TXNDC16: variants seen among roughly 807,000 people sequenced by gnomAD.
The protein encoded by TXNDC16 is thioredoxin domain-containing protein 16.
In TXNDC16, 74 loss-of-function variants were observed where a neutral mutation model predicts 85.6. That is an observed-to-expected ratio of 0.86 (90% CI 0.72 to 1.05). The LOEUF is 1.05. TXNDC16 is among the 50% of genes least tolerant of loss of function. The pLI is 0.00. For missense variants in TXNDC16, 959 were observed against 947.0 expected (o/e 1.01, Z -0.17); for synonymous variants, 335 against 326.5 (o/e 1.03, Z -0.28).
intron 20 of TXNDC16, among the ~76,000 whole-genome samples, chr14:52,438,483 A>G (rs1273994631): frequency 6.6e-6 from 1 of 152,222 alleles, no homozygotes; most frequent in Non-Finnish European, 1.5e-5. Flanking sequence ...GAAAGCTCAG[A>G]TAATTGTTGG....
At chr14:52,450,856 TATA>T (rs2035392328) in intron 18 of TXNDC16, among the ~76,000 whole-genome samples, 3 of 1,026 alleles carry the variant, frequency 2.9e-3, no homozygotes, top group Non-Finnish European at 5.4e-3. Flanking sequence ...ATGTGTTTTA[TATA>T]TATATATATA....
In TXNDC16 at chr14:52,440,707, T is replaced by C; in HGVS notation, c.1860A>G (p.Glu620=). 1 of 1,606,406 alleles carries C rather than the reference T, an allele frequency of 6.2e-7. No homozygotes were observed. The highest frequency in any genetic ancestry group is 8.5e-7 in the Non-Finnish European group (1 of 1,178,010). ...GAAGTCTGAAATAACTGGGAAGATT[T>C]TCCACAGTGATTTCCGGCTGTCAAA... ...LLEMFPEITV[E]NLPSYFRLQK... Residue 620 remains glutamate (E), a synonymous_variant, in exon 19 of 21, where the codon GAA becomes GAG. Transcript: ENST00000281741.
At chr14:52,534,870 T>A (rs2037663862) in intron 6 of TXNDC16, among the ~76,000 whole-genome samples, 1 of 152,214 alleles carries the variant, frequency 6.6e-6, no homozygotes, top group African/African-American at 2.4e-5. Flanking sequence ...AATCTATTTG[T>A]GGAATTCGTG....
At chr14:52,459,907 C>T (rs1288823580) in intron 16 of TXNDC16, among the ~76,000 whole-genome samples, 8 of 152,126 alleles carry the variant, frequency 5.3e-5, no homozygotes, top group Non-Finnish European at 1.2e-4. Flanking sequence ...TGAAGAAACA[C>T]ACCTCAATAA....
chr14:52,496,122 T>G (rs1351176736), intron 9 of TXNDC16, among the ~76,000 whole-genome samples: 1 of 150,482 alleles, frequency 6.6e-6, no homozygotes, highest in East Asian at 2.0e-4. Flanking sequence ...ATCGCTCCGC[T>G]GCACTCCAGC....
chr14:52,545,000 A>G (rs2037912580), intron 1 of TXNDC16, among the ~76,000 whole-genome samples: 1 of 152,118 alleles, frequency 6.6e-6, no homozygotes, highest in African/African-American at 2.4e-5. Flanking sequence ...TAGGTCATCC[A>G]CTATTTTCTT....
At chr14:52,472,463 T>TG (rs756727190) in intron 14 of TXNDC16, among the ~76,000 whole-genome samples, 2 of 152,222 alleles carry the variant, frequency 1.3e-5, no homozygotes, top group Non-Finnish European at 2.9e-5. Flanking sequence ...TCCAAAGTGC[T>TG]GGGATCACAG....
intron 18 of TXNDC16, among the ~76,000 whole-genome samples, chr14:52,449,524 C>G (rs1467433765): frequency 6.6e-6 from 1 of 152,148 alleles, no homozygotes; most frequent in Admixed American, 6.5e-5. Flanking sequence ...AACCCACTTT[C>G]AGCAATGGAC....
intron 6 of TXNDC16, among the ~76,000 whole-genome samples, chr14:52,525,973 A>T (rs1178442291): frequency 1.3e-5 from 2 of 151,938 alleles, no homozygotes; most frequent in Admixed American, 1.3e-4. Context: ...CTATGTAGTT[A>T]TATTATATTT....
intron 16 of TXNDC16, among the ~76,000 whole-genome samples, chr14:52,465,253 A>G (rs1199635224): frequency 6.6e-6 from 1 of 152,178 alleles, no homozygotes; most frequent in Non-Finnish European, 1.5e-5. Context: ...AAAGAAAAAC[A>G]AGGAGGAGGG....
At chr14:52,526,693 G>C (rs1470522102) in intron 6 of TXNDC16, among the ~76,000 whole-genome samples, 4 of 152,186 alleles carry the variant, frequency 2.6e-5, no homozygotes, top group Non-Finnish European at 4.4e-5. Context: ...CCACCAAACT[G>C]ATGTCTTGTG....
rs1226144763 is a variant in TXNDC16 at position 52,470,519 on chromosome 14, T to A, written c.1474A>T (p.Ile492Phe). 2.5e-6 allele frequency: 4 copies of A among 1,612,066 alleles called. No homozygotes were observed. The African/African-American group carries it at 5.3e-5, about 22-fold the overall frequency. ...MLGTEDLLKF[I>F]QLNRISYPVN... ...ATGAAGCTGAATACTTACAGCTGGA[T>A]AAATTTTAGGAGATCTTCGGTTCCT... Residue 492 changes from isoleucine to phenylalanine, a missense_variant, in exon 15 of 21, where the codon ATC becomes TTC. Physicochemically the swap from Ile to Phe is conservative, Grantham distance 21. Coordinates refer to ENST00000281741, the MANE Select transcript of TXNDC16 (RefSeq NM_020784.3).
At chr14:52,503,101 C>T (rs1050706568) in intron 9 of TXNDC16, among the ~76,000 whole-genome samples, 1 of 152,172 alleles carries the variant, frequency 6.6e-6, no homozygotes, top group Non-Finnish European at 1.5e-5. Context: ...GGGTGGAGCC[C>T]ACCACAGCTC....
intron 18 of TXNDC16, among the ~76,000 whole-genome samples, chr14:52,451,789 T>C (rs2035418844): frequency 1.3e-5 from 2 of 152,104 alleles, no homozygotes. Context: ...GTGACAAGGA[T>C]ACCCACTGTC....
At chr14:52,439,539 T>G in intron 19 of TXNDC16, 145 bp from the exon 20 acceptor site, 1 of 695,116 alleles carries the variant, frequency 1.4e-6, no homozygotes, top group Non-Finnish European at 2.3e-6. Flanking sequence ...CCAAGAAGTC[T>G]ACGACATGTT....
chr14:52,451,417 T>C (rs2035410071), intron 18 of TXNDC16, among the ~76,000 whole-genome samples: 1 of 152,110 alleles, frequency 6.6e-6, no homozygotes, highest in South Asian at 2.1e-4. Context: ...CCAATATCAT[T>C]GATGAATATC....
intron 6 of TXNDC16, among the ~76,000 whole-genome samples, chr14:52,528,050 C>T (rs1291294020): frequency 6.6e-6 from 1 of 152,062 alleles, no homozygotes; most frequent in Admixed American, 6.5e-5. Context: ...CAAATATTAA[C>T]AATTAGTATA....
intron 9 of TXNDC16, among the ~76,000 whole-genome samples, chr14:52,509,988 A>T (rs1413024189): frequency 3.8e-5 from 3 of 78,784 alleles, no homozygotes; most frequent in Non-Finnish European, 5.5e-5. Context: ...CTCAAGAAAT[A>T]AAAAAAAAAA....
intron 6 of TXNDC16, among the ~76,000 whole-genome samples, chr14:52,530,319 ATTATTTTTATAT>A (rs1566582139): frequency 2.1e-5 from 1 of 48,458 alleles, no homozygotes; most frequent in Non-Finnish European, 3.3e-5. Flanking sequence ...ATAATATATA[ATTATTTTTATAT>A]TATATATAAT....
Sources: gnomAD v4.1 joint callset for allele counts (sites outside exome capture counted in the v4.1 genomes callset) on GRCh38, gnomAD v4.1.1 for gene constraint, MANE v1.5 for transcripts, NCBI Gene and HGNC (gene_info 2026-07-23, HGNC 2026-07-21) for gene names.